The following ANKFY1 variants were observed in gnomAD, a reference collection of about 807,000 sequenced individuals.
The protein encoded by ANKFY1 is ankyrin repeat and FYVE domain-containing protein 1.
In ANKFY1, 47 loss-of-function variants were observed where a neutral mutation model predicts 128.3. The observed-to-expected ratio is 0.37, with a 90% CI of 0.29 to 0.47. ANKFY1 has a LOEUF of 0.47. ANKFY1 is among the 20% of genes least tolerant of loss of function. The probability of loss-of-function intolerance (pLI) is 1.00; values close to 1 mark genes in which losing one functional copy is unlikely to be tolerated. For missense variants in ANKFY1, 1,222 were observed against 1,510.6 expected (o/e 0.81, Z 3.17); for synonymous variants, 553 against 601.6 (o/e 0.92, Z 1.18).
intron 4 of ANKFY1, among the ~76,000 whole-genome samples, chr17:4,211,040 AC>A (rs1238652820): frequency 2.0e-5 from 3 of 151,936 alleles, no homozygotes; most frequent in Non-Finnish European, 4.4e-5. Context: ...AACAACAACA[AC>A]AAAAAAAATA....
intron 22 of ANKFY1, 41 bp downstream of exon 22, chr17:4,172,515 T>A: frequency 6.3e-7 from 1 of 1,590,422 alleles, no homozygotes; most frequent in Non-Finnish European, 8.6e-7. Flanking sequence ...GGAAGCAAGG[T>A]GCGCAAGTGA....
At position 4,172,630 on chromosome 17, in the gene ANKFY1, G is replaced by A. The variant is rs770970574; in HGVS notation, c.3065C>T (p.Ala1022Val). The change falls in exon 22 of 25, where the codon GCG becomes GTG. Residue 1022 changes from alanine (A) to valine (V), a missense_variant. Physicochemically the swap from Ala to Val is moderately conservative, Grantham distance 64. Transcript: ENST00000341657. ...ILGQYGKENA[A>V]AIFDLFLECM... ...TTCTAGGAAGAGATCAAAGATGGCC[G>A]CTGCATTCTCCTTGCCATATTGTCC... The A allele has an allele frequency of 6.2e-6, 10 of 1,614,064 alleles. No individual in the cohort carries two copies. The highest frequency in any genetic ancestry group is 1.7e-5 in the Admixed American group (1 of 60,016).
At chr17:4,215,580 T>A (rs2060208420) in intron 4 of ANKFY1, among the ~76,000 whole-genome samples, 1 of 152,260 alleles carries the variant, frequency 6.6e-6, no homozygotes, top group Middle Eastern at 3.4e-3. Flanking sequence ...ACTCCCGGTG[T>A]CTTCCACTCC....
At chr17:4,217,406 C>T (rs749694044) in intron 3 of ANKFY1, among the ~76,000 whole-genome samples, 13 of 152,030 alleles carry the variant, frequency 8.6e-5, no homozygotes, top group East Asian at 1.9e-4. Context: ...AAAAATTAGC[C>T]GGGCCTGGTG....
At chr17:4,250,049 G>A (rs1967747877) in intron 1 of ANKFY1, among the ~76,000 whole-genome samples, 1 of 152,086 alleles carries the variant, frequency 6.6e-6, no homozygotes, top group Admixed American at 6.5e-5. Flanking sequence ...TCCTAACTCT[G>A]TACTCTAGCT....
At chr17:4,206,530 T>A (rs756510132) in intron 6 of ANKFY1, 44 bp from the exon 7 acceptor site, 2 of 1,562,258 alleles carry the variant, frequency 1.3e-6, no homozygotes, top group Non-Finnish European at 1.8e-6. Flanking sequence ...GAGTAGAGAA[T>A]ACGACCTATT....
chr17:4,202,981 C>CACATAT (rs56856304), intron 7 of ANKFY1, among the ~76,000 whole-genome samples: 17 of 146,302 alleles, frequency 1.2e-4, no homozygotes, highest in African/African-American at 4.2e-4. Flanking sequence ...TAATCATACA[C>CACATAT]ATATATATAT....
At chr17:4,203,124 C>A (rs2059963341) in intron 7 of ANKFY1, among the ~76,000 whole-genome samples, 1 of 151,862 alleles carries the variant, frequency 6.6e-6, no homozygotes, top group East Asian at 1.9e-4. Context: ...AAGAGCAGAA[C>A]AAAGGGAGGG....
intron 3 of ANKFY1, among the ~76,000 whole-genome samples, 172 bp from the exon 4 acceptor site, chr17:4,217,290 T>G (rs1276766604): frequency 6.6e-6 from 1 of 152,222 alleles, no homozygotes; most frequent in Admixed American, 6.5e-5. Context: ...GGCTCACGCC[T>G]GTAATCCCAG....
Position 4,170,808 on chromosome 17 carries a change from G to C in ANKFY1, c.3193C>G (p.Arg1065Gly), listed in dbSNP as rs1451033131. The change falls in exon 23 of 25, where the codon CGG becomes GGG. Residue 1065 changes from arginine (R) to glycine (G), a missense_variant. By Grantham distance (125) the Arg-to-Gly change is moderately radical (BLOSUM62 -2). Coordinates refer to ENST00000341657, the MANE Select transcript of ANKFY1 (RefSeq NM_001330063.2). ...TTCACCCCGAGGCGAGCCCCCGACC[G>C]GACGATGGCGCGGCACAAGTTGGCG... is the stretch of plus-strand genomic sequence containing the variant. ...GNANLCRAIV[R>G]SGARLGVNNN... 3 of 1,614,002 alleles carry C rather than the reference G, an allele frequency of 1.9e-6. No individual in the cohort carries two copies. Among genetic ancestry groups the C allele is most frequent in the Non-Finnish European group, 2.5e-6 (3 of 1,180,030 alleles).
intron 1 of ANKFY1, chr17:4,263,706 G>C (rs1316266653): frequency 6.7e-7 from 1 of 1,498,780 alleles, no homozygotes; most frequent in Non-Finnish European, 8.8e-7. Flanking sequence ...CTCCGCAGCC[G>C]GCCGCAGTCC....
At chr17:4,193,921 G>C (rs1439748203) in intron 10 of ANKFY1, among the ~76,000 whole-genome samples, 2 of 150,270 alleles carry the variant, frequency 1.3e-5, no homozygotes, top group African/African-American at 4.9e-5. Context: ...CACCAGCCCA[G>C]CTATTTTTGC....
rs1014507795 is a variant in ANKFY1 at position 4,217,013 on chromosome 17, T to C, written c.428A>G (p.Asn143Ser). ...CCTGAGGAGCTGTAGCTGAAACCGATTTGCTAGTTTCATCAGTTCAGTCAG... is the reference window on the plus strand; with the variant it reads ...CCTGAGGAGCTGTAGCTGAAACCGACTTGCTAGTTTCATCAGTTCAGTCAG... ...VFLTELMKLA[N>S]RFQLQLLRER... The change falls in exon 4 of 25, where the codon AAT becomes AGT. Residue 143 changes from asparagine to serine, a missense_variant. By Grantham distance (46) the Asn-to-Ser change is conservative. Transcript: ENST00000341657. 48 of 1,614,172 alleles carry C rather than the reference T, an allele frequency of 3.0e-5. No homozygotes were observed. The highest frequency in any genetic ancestry group is 4.0e-5 in the Non-Finnish European group (47 of 1,180,030).
chr17:4,219,012 G>T (rs1414841393), intron 3 of ANKFY1, among the ~76,000 whole-genome samples: 1 of 152,126 alleles, frequency 6.6e-6, no homozygotes, highest in Admixed American at 6.5e-5. Flanking sequence ...ACATTTTTCT[G>T]TGTCTGTCTC....
At chr17:4,253,305 T>TG (rs1438507999) in intron 1 of ANKFY1, among the ~76,000 whole-genome samples, 1 of 152,204 alleles carries the variant, frequency 6.6e-6, no homozygotes, top group East Asian at 1.9e-4. Context: ...GCCAGGGGAA[T>TG]GGGACTGACT....
At chr17:4,219,880 G>C (rs760844863) in intron 3 of ANKFY1, among the ~76,000 whole-genome samples, 16 of 152,124 alleles carry the variant, frequency 1.1e-4, no homozygotes, top group Non-Finnish European at 2.2e-4. Flanking sequence ...GGAGTGCAGT[G>C]GCGCGATCTG....
At chr17:4,242,485 G>A in intron 1 of ANKFY1, 37 bp from the exon 2 acceptor site, 1 of 1,493,646 alleles carries the variant, frequency 6.7e-7, no homozygotes. Flanking sequence ...CACCGTGGCT[G>A]CTGGAAAGCA....
chr17:4,189,303 C>T lies in ANKFY1; in HGVS notation c.1470+79G>A, dbSNP rs558164503. 119 of 1,236,298 alleles carry T rather than the reference C, an allele frequency of 9.6e-5. No homozygotes were observed. In the South Asian group the frequency reaches 1.5e-3, roughly 16 times the overall value. 76.6% of individuals were successfully genotyped at this position (1,236,298 alleles called of 1,614,324 possible). ...AAAAACTGAAAAAAACCACCTATTC[C>T]CCTTTTTCCTACATATCCACCACTG... On this transcript the variant is annotated intron_variant, in intron 11 of 24. Coordinates refer to ENST00000341657, the MANE Select transcript of ANKFY1 (RefSeq NM_001330063.2).
At chr17:4,219,337 G>A (rs2060271508) in intron 3 of ANKFY1, among the ~76,000 whole-genome samples, 1 of 152,132 alleles carries the variant, frequency 6.6e-6, no homozygotes, top group Non-Finnish European at 1.5e-5. Context: ...GTTGTCCTGG[G>A]CCAGGAGATT....
Sources: allele counts gnomAD v4.1 joint callset (sites outside exome capture counted in the v4.1 genomes callset), GRCh38; gene constraint gnomAD v4.1.1; transcripts MANE v1.5; gene names NCBI Gene and HGNC (gene_info 2026-07-23, HGNC 2026-07-21).